NDST4: variants seen among roughly 807,000 people sequenced by gnomAD.
NDST4 encodes the protein N-deacetylase and N-sulfotransferase 4.
In NDST4, 63 loss-of-function variants were observed where a neutral mutation model predicts 100.8. That is an observed-to-expected ratio of 0.62 (90% CI 0.51 to 0.77). The LOEUF is 0.77. Among genes scored for constraint, NDST4 ranks in the 30% least tolerant of loss-of-function variants. The pLI, the probability that NDST4 is intolerant of heterozygous loss-of-function variation, is 0.00. For missense variants in NDST4, 943 were observed against 1,018.4 expected (o/e 0.93, Z 1.01); for synonymous variants, 377 against 361.8 (o/e 1.04, Z -0.48).
chr4:114,977,552 T>C (rs1726666748), intron 2 of NDST4, among the ~76,000 whole-genome samples: 1 of 152,008 alleles, frequency 6.6e-6, no homozygotes, highest in South Asian at 2.1e-4. Context: ...TCATTTTTCA[T>C]TTCTGTGTGA....
chr4:115,087,495 G>T lies in NDST4; in HGVS notation c.-246-10213C>A, dbSNP rs553282624. On this transcript the variant is annotated intron_variant, in intron 1 of 13. Transcript: ENST00000264363. ...CTTTCCTATTTCCCCTTCTTCTCTA[G>T]AATTTTTTTCTTTTCTTATATTTTT... Among the ~76,000 whole-genome samples, 8 of 151,612 alleles carry T rather than the reference G, an allele frequency of 5.3e-5. No individual in the cohort carries two copies. The East Asian group carries it at 1.6e-3, about 29-fold the overall frequency.
rs115628439 is a variant in NDST4, at chr4:115,003,962, A to G, written c.979-26688T>C. Among the ~76,000 whole-genome samples, 1,379 of 152,256 alleles carry G rather than the reference A, an allele frequency of 9.1e-3. 22 individuals carry two copies. The highest frequency in any genetic ancestry group is 0.032 in the African/African-American group (1,319 of 41,556). On this transcript the variant is annotated intron_variant, in intron 2 of 13. Coordinates refer to ENST00000264363, the MANE Select transcript of NDST4 (RefSeq NM_022569.3). ...TAGATGTTTCCCCTTCTTACAGTCA[A>G]TAAGAGGCTGAGTGGGGAAGAGAAC...
intron 2 of NDST4, among the ~76,000 whole-genome samples, chr4:115,069,894 A>C (rs775277048): frequency 1.3e-5 from 2 of 152,150 alleles, no homozygotes; most frequent in Non-Finnish European, 2.9e-5. Flanking sequence ...AAATAAGTAA[A>C]TAAATAAAAA....
chr4:115,016,994 T>A (rs919890828), intron 2 of NDST4, among the ~76,000 whole-genome samples: 24 of 146,828 alleles, frequency 1.6e-4, no homozygotes, highest in Admixed American at 1.2e-3. Flanking sequence ...TTCATGTGTG[T>A]ATGTGTGTGT....
chr4:114,986,832 A>ATATATATATT, intron 2 of NDST4, among the ~76,000 whole-genome samples: 1,176 of 94,458 alleles, frequency 0.012, 75 homozygotes, highest in Middle Eastern at 0.056. Flanking sequence ...ATATATATAT[A>ATATATATATT]TTTTAATATA....
chr4:115,050,426 C>CACA, intron 2 of NDST4, among the ~76,000 whole-genome samples: 1 of 141,830 alleles, frequency 7.1e-6, no homozygotes. Flanking sequence ...ACACACACAC[C>CACA]ATGACACATA....
At chr4:114,941,003 G>A (rs959565515) in intron 4 of NDST4, among the ~76,000 whole-genome samples, 4 of 152,176 alleles carry the variant, frequency 2.6e-5, no homozygotes, top group Admixed American at 6.5e-5. Flanking sequence ...ATTCAAGTGG[G>A]AAAACAAGAA....
At chr4:114,919,766 A>G (rs1725250123) in intron 6 of NDST4, among the ~76,000 whole-genome samples, 1 of 152,194 alleles carries the variant, frequency 6.6e-6, no homozygotes, top group African/African-American at 2.4e-5. Flanking sequence ...GGGATAATGG[A>G]TTCTATGTGG....
At chr4:115,028,084 G>A (rs1280444648) in intron 2 of NDST4, among the ~76,000 whole-genome samples, 2 of 151,898 alleles carry the variant, frequency 1.3e-5, no homozygotes, top group African/African-American at 4.8e-5. Flanking sequence ...ATGATCCTGA[G>A]TGGAAGAAAT....
chr4:115,052,418 C>G (rs2126279443), intron 2 of NDST4, among the ~76,000 whole-genome samples: 1 of 152,234 alleles, frequency 6.6e-6, no homozygotes, highest in East Asian at 1.9e-4. Flanking sequence ...ATTCATGTTA[C>G]AGTTTGGCTG....
At chr4:114,930,020 T>C (rs904441788) in intron 6 of NDST4, among the ~76,000 whole-genome samples, 1 of 152,188 alleles carries the variant, frequency 6.6e-6, no homozygotes, top group African/African-American at 2.4e-5. Context: ...GAAAAGGGTA[T>C]GATGAAGTGA....
chr4:114,994,160 GA>G (rs574161392), intron 2 of NDST4, among the ~76,000 whole-genome samples: 1 of 151,696 alleles, frequency 6.6e-6, no homozygotes, highest in Non-Finnish European at 1.5e-5. Context: ...ATCTTAGCAA[GA>G]AAAAAATAAT....
intron 1 of NDST4, among the ~76,000 whole-genome samples, chr4:115,081,884 T>C (rs1452212985): frequency 6.6e-6 from 1 of 152,172 alleles, no homozygotes; most frequent in East Asian, 1.9e-4. Flanking sequence ...CTGAGTAAAT[T>C]CCATCTGTGG....
At chr4:114,873,033 CT>C (rs1335910305) in intron 6 of NDST4, among the ~76,000 whole-genome samples, 1 of 150,636 alleles carries the variant, frequency 6.6e-6, no homozygotes, top group African/African-American at 2.5e-5. Flanking sequence ...TTTTATTTTT[CT>C]TTTTAAATTG....
intron 2 of NDST4, among the ~76,000 whole-genome samples, chr4:115,023,634 A>G (rs2126266450): frequency 6.6e-6 from 1 of 152,240 alleles, no homozygotes; most frequent in East Asian, 1.9e-4. Flanking sequence ...ATTAAAAGAG[A>G]AGCAGAATGT....
At chr4:114,925,467 G>A (rs1457464942) in intron 6 of NDST4, among the ~76,000 whole-genome samples, 1 of 152,076 alleles carries the variant, frequency 6.6e-6, no homozygotes, top group Non-Finnish European at 1.5e-5. Context: ...TGTCTGAAGA[G>A]CCAGCACTAA....
chr4:115,017,741 A>G (rs1384405411), intron 2 of NDST4, among the ~76,000 whole-genome samples: 2 of 152,048 alleles, frequency 1.3e-5, no homozygotes, highest in East Asian at 3.9e-4. Context: ...ATTTAGGAAC[A>G]AAAAGGCAAT....
At chr4:114,900,713 T>C (rs1724818727) in intron 6 of NDST4, among the ~76,000 whole-genome samples, 1 of 152,126 alleles carries the variant, frequency 6.6e-6, no homozygotes, top group African/African-American at 2.4e-5. Flanking sequence ...TCACACAAAA[T>C]TACCTAAAGA....
At chr4:114,982,843 G>A (rs1304060140) in intron 2 of NDST4, among the ~76,000 whole-genome samples, 1 of 152,120 alleles carries the variant, frequency 6.6e-6, no homozygotes, top group African/African-American at 2.4e-5. Flanking sequence ...GGTTTCTTGG[G>A]TCAAATTCAT....
Sources: allele counts gnomAD v4.1 joint callset (sites outside exome capture counted in the v4.1 genomes callset), GRCh38; gene constraint gnomAD v4.1.1; transcripts MANE v1.5; gene names NCBI Gene and HGNC (gene_info 2026-07-23, HGNC 2026-07-21).